The following ASF1B variants were observed in gnomAD, a reference collection of about 807,000 sequenced individuals.
ASF1B encodes the protein histone chaperone ASF1B.
In ASF1B, 10 loss-of-function variants were observed where a neutral mutation model predicts 16.6. The observed-to-expected ratio is 0.60, with a 90% CI of 0.37 to 1.02. The LOEUF (loss-of-function observed/expected upper bound fraction) is 1.02, where lower values mean the gene tolerates loss of function less well. Among genes scored for constraint, ASF1B ranks in the 50% least tolerant of loss-of-function variants. The pLI is 0.01. For missense variants in ASF1B, 240 were observed against 266.0 expected, an observed-to-expected ratio of 0.90 and a Z score of 0.68; for synonymous variants, 101 against 106.2, an observed-to-expected ratio of 0.95 and a Z score of 0.30.
intron 1 of ASF1B, among the ~76,000 whole-genome samples, chr19:14,130,553 C>T (rs968454748): frequency 4.0e-5 from 6 of 151,168 alleles, no homozygotes; most frequent in Non-Finnish European, 5.9e-5. Context: ...TAGAGACATA[C>T]GTGTATGATT....
chr19:14,121,130 T>C (rs985959769), intron 3 of ASF1B, among the ~76,000 whole-genome samples: 22 of 151,714 alleles, frequency 1.5e-4, no homozygotes, highest in African/African-American at 5.1e-4. Flanking sequence ...CCCAGGACTT[T>C]TTTTTTTTAA....
At chr19:14,128,292 T>C (rs1470257174) in intron 1 of ASF1B, among the ~76,000 whole-genome samples, 2 of 152,200 alleles carry the variant, frequency 1.3e-5, no homozygotes, top group Non-Finnish European at 2.9e-5. Context: ...TTTGGAAGCA[T>C]GCTGCTGCCA....
At position 14,119,660 on chromosome 19, in the gene ASF1B, T is replaced by C. The variant is rs1967203804; in HGVS notation, c.*799A>G. ...GGGAGCGGGCTGGGGAGGGACAGTT[T>C]TCAGGGTCCCAGTTGCTTCCCTGGC... On this transcript the variant is annotated 3_prime_UTR_variant, in exon 4 of 4. Coordinates refer to ENST00000263382, the MANE Select transcript of ASF1B (RefSeq NM_018154.3). 6.5e-6 allele frequency: 1 copy of C among 152,680 alleles called. No individual in the cohort carries two copies. Among genetic ancestry groups the C allele is most frequent in the Non-Finnish European group, 1.5e-5 (1 of 68,058 alleles). 9.5% of individuals were successfully genotyped at this position (152,680 alleles called of 1,614,324 possible). A position where few individuals can be genotyped will look rare whatever the true frequency, so the allele number is the denominator to read the frequency against.
chr19:14,134,340 TA>T (rs1191846168), intron 1 of ASF1B, among the ~76,000 whole-genome samples: 3 of 151,948 alleles, frequency 2.0e-5, no homozygotes, highest in African/African-American at 7.3e-5. Context: ...CTCCTTAATT[TA>T]AAAAGGAGCG....
intron 1 of ASF1B, among the ~76,000 whole-genome samples, chr19:14,129,196 G>C (rs1201742383): frequency 6.6e-6 from 1 of 152,130 alleles, no homozygotes; most frequent in Non-Finnish European, 1.5e-5. Flanking sequence ...CAGGGCTGCA[G>C]TGAGCCATGA....
rs1346365055 is a variant in ASF1B at position 14,136,517 on chromosome 19, T to C, written c.-61A>G. The C allele has an allele frequency of 2.0e-6, 3 of 1,488,596 alleles. No individual in the cohort carries two copies. Among genetic ancestry groups the C allele is most frequent in the African/African-American group, 1.4e-5 (1 of 72,356 alleles). 92.2% of individuals were successfully genotyped at this position (1,488,596 alleles called of 1,614,324 possible). A position where few individuals can be genotyped will look rare whatever the true frequency, so the allele number is the denominator to read the frequency against. ...CTGTGGCTGTGGCGGAGGCCGCGCC[T>C]GGGTCCGGTGGGGTCAGTGGGGTAG... On this transcript the variant is annotated 5_prime_UTR_variant, in exon 1 of 4. Coordinates refer to ENST00000263382, the MANE Select transcript of ASF1B (RefSeq NM_018154.3).
intron 1 of ASF1B, among the ~76,000 whole-genome samples, chr19:14,128,736 T>C (rs1253078489): frequency 6.6e-6 from 1 of 152,184 alleles, no homozygotes; most frequent in African/African-American, 2.4e-5. Context: ...CTGGAATTTG[T>C]CTGAGCCATC....
intron 2 of ASF1B, 68 bp downstream of exon 2, chr19:14,126,053 TG>T: frequency 7.8e-7 from 1 of 1,277,200 alleles, no homozygotes; most frequent in Non-Finnish European, 1.1e-6. Context: ...AAGCACTCTG[TG>T]GGATTTCAGG....
chr19:14,123,936 G>A (rs181227825), intron 2 of ASF1B, among the ~76,000 whole-genome samples: 115 of 151,926 alleles, frequency 7.6e-4, no homozygotes, highest in Non-Finnish European at 1.5e-3. Context: ...GATAACAAAT[G>A]TGCACCACCA....
At chr19:14,123,044 C>T (rs971532593) in intron 2 of ASF1B, among the ~76,000 whole-genome samples, 1 of 152,166 alleles carries the variant, frequency 6.6e-6, no homozygotes, top group Admixed American at 6.5e-5. Context: ...CAAGACCAGC[C>T]ACGTAATTGG....
intron 2 of ASF1B, among the ~76,000 whole-genome samples, chr19:14,122,058 G>A (rs1382223325): frequency 1.3e-5 from 2 of 151,542 alleles, no homozygotes; most frequent in Non-Finnish European, 2.9e-5. Flanking sequence ...AGCCTCCCGA[G>A]TAGCTGGGAT....
chr19:14,131,187 TTC>T (rs1358048544), intron 1 of ASF1B, among the ~76,000 whole-genome samples: 267 of 151,098 alleles, frequency 1.8e-3, no homozygotes, highest in African/African-American at 5.7e-3. Context: ...CATTTTTTTT[TTC>T]TTTTTTTTTT....
intron 2 of ASF1B, among the ~76,000 whole-genome samples, chr19:14,123,026 A>G (rs1376895217): frequency 6.6e-6 from 1 of 152,230 alleles, no homozygotes; most frequent in African/African-American, 2.4e-5. Context: ...AGGGTGTACT[A>G]CTGCAAACAA....
intron 2 of ASF1B, among the ~76,000 whole-genome samples, chr19:14,124,722 C>A (rs577630930): frequency 6.6e-6 from 1 of 152,194 alleles, no homozygotes; most frequent in South Asian, 2.1e-4. Flanking sequence ...GTCTTCTGGT[C>A]TCAGCTCTCA....
rs1967205787 is a variant in ASF1B, at chr19:14,119,771, C to T, written c.*688G>A. ...GACCCTGGCCCGGAGACAGACTGCC[C>T]AGGCAGGCCCTCTGATACCATCTTC... On this transcript the variant is annotated 3_prime_UTR_variant, in exon 4 of 4. Transcript: ENST00000263382. 6.6e-6 allele frequency: 1 copy of T among 152,648 alleles called. No individual in the cohort carries two copies. The highest frequency in any genetic ancestry group is 6.5e-5 in the Admixed American group (1 of 15,272). 9.5% of individuals were successfully genotyped at this position (152,648 alleles called of 1,614,324 possible).
Position 14,120,684 on chromosome 19 carries a change from C to T in ASF1B, c.403-19G>A, listed in dbSNP as rs774052434. ...GCTGGAGCTGGGGCAGGAAGAGGAACGTCAACCCTTGTAGGTACGCCCTCT... is the reference window on the plus strand; with the variant it reads ...GCTGGAGCTGGGGCAGGAAGAGGAATGTCAACCCTTGTAGGTACGCCCTCT... On this transcript the variant is annotated intron_variant, in intron 3 of 3. Coordinates refer to ENST00000263382, the MANE Select transcript of ASF1B (RefSeq NM_018154.3). 1.1e-5 allele frequency: 17 copies of T among 1,613,032 alleles called. No homozygotes were observed. Among genetic ancestry groups the T allele is most frequent in the East Asian group, 4.5e-5 (2 of 44,888 alleles).
chr19:14,125,776 C>G (rs1967308423), intron 2 of ASF1B, among the ~76,000 whole-genome samples: 1 of 152,218 alleles, frequency 6.6e-6, no homozygotes, highest in Non-Finnish European at 1.5e-5. Flanking sequence ...TGGTCTCAAA[C>G]TCCTGGCCTC....
chr19:14,134,909 T>C (rs1285161297), intron 1 of ASF1B, among the ~76,000 whole-genome samples: 1 of 149,778 alleles, frequency 6.7e-6, no homozygotes, highest in Non-Finnish European at 1.5e-5. Flanking sequence ...TTGGCACTGA[T>C]TATCCAGCTA....
At chr19:14,127,631 G>A (rs1967338285) in intron 1 of ASF1B, among the ~76,000 whole-genome samples, 2 of 150,110 alleles carry the variant, frequency 1.3e-5, no homozygotes, top group South Asian at 4.2e-4. Context: ...GCATCCCGGG[G>A]TGATCCTCCA....
Sources: gnomAD v4.1 joint callset for allele counts (sites outside exome capture counted in the v4.1 genomes callset) on GRCh38, gnomAD v4.1.1 for gene constraint, MANE v1.5 for transcripts, NCBI Gene and HGNC (gene_info 2026-07-23, HGNC 2026-07-21) for gene names.